Variants in RUNX1 observed in about 807,000 individuals in gnomAD.
The protein encoded by RUNX1 is runt-related transcription factor 1.
Under a neutral mutation model 42.8 loss-of-function variants are expected in RUNX1, and 19 were observed. That is an observed-to-expected ratio of 0.44 (90% CI 0.31 to 0.65). The LOEUF (loss-of-function observed/expected upper bound fraction) is 0.65, where lower values mean the gene tolerates loss of function less well. Among genes scored for constraint, RUNX1 ranks in the 30% least tolerant of loss-of-function variants. RUNX1 has a pLI of 0.07. For missense variants in RUNX1, 528 were observed against 672.0 expected, an observed-to-expected ratio of 0.79 and a Z score of 2.37; for synonymous variants, 271 against 289.4, an observed-to-expected ratio of 0.94 and a Z score of 0.64.
intron 3 of RUNX1, chr21:34,889,778 C>G: frequency 8.7e-7 from 1 of 1,147,696 alleles, no homozygotes; most frequent in Non-Finnish European, 1.1e-6. Context: ...GTCCGGCGTG[C>G]GCTGCCAACT....
At chr21:34,904,200 T>G (rs1424479087) in intron 2 of RUNX1, among the ~76,000 whole-genome samples, 3 of 152,124 alleles carry the variant, frequency 2.0e-5, no homozygotes, top group African/African-American at 7.2e-5. Flanking sequence ...TAAAACTATA[T>G]TCTAAAAGGT....
At chr21:34,973,502 T>A (rs1159286048) in intron 2 of RUNX1, among the ~76,000 whole-genome samples, 1 of 152,254 alleles carries the variant, frequency 6.6e-6, no homozygotes, top group East Asian at 1.9e-4. Flanking sequence ...TAAGAGGCCA[T>A]TTATTTTCTC....
intron 2 of RUNX1, among the ~76,000 whole-genome samples, chr21:34,909,965 CTA>C (rs1055246446): frequency 5.3e-5 from 8 of 152,296 alleles, no homozygotes; most frequent in Admixed American, 3.3e-4. Flanking sequence ...CAACTATTAT[CTA>C]CCAAGCTGTG....
intron 6 of RUNX1, among the ~76,000 whole-genome samples, chr21:34,856,961 A>G (rs548094657): frequency 2.6e-5 from 4 of 152,336 alleles, no homozygotes; most frequent in South Asian, 2.1e-4. Context: ...CGTTCAAACC[A>G]TAAGAAACCA....
chr21:35,013,148 T>C (rs1209275994), intron 2 of RUNX1, among the ~76,000 whole-genome samples: 1 of 152,234 alleles, frequency 6.6e-6, no homozygotes, highest in African/African-American at 2.4e-5. Flanking sequence ...CACATCTACA[T>C]CATTTACCTT....
rs1436210480 is a variant in RUNX1, at chr21:34,941,009, C to T, written c.59-48046G>A. ...TGTCACTGCCATAGAAGAATTGTGG[C>T]TACCACTTCTATGCAGAGTATGGAA... On this transcript the variant is annotated intron_variant, in intron 2 of 8. Coordinates refer to ENST00000675419, the MANE Select transcript of RUNX1 (RefSeq NM_001754.5). Among the ~76,000 whole-genome samples, 3 of 152,206 alleles carry T rather than the reference C, an allele frequency of 2.0e-5. 1 individual carries two copies. The highest frequency in any genetic ancestry group is 1.3e-4 in the Admixed American group (2 of 15,286).
intron 5 of RUNX1, among the ~76,000 whole-genome samples, chr21:34,874,682 A>C (rs576524138): frequency 6.6e-6 from 1 of 151,344 alleles, no homozygotes; most frequent in Non-Finnish European, 1.5e-5. Context: ...TTCCTTAAAA[A>C]AAAAACAACA....
chr21:34,954,150 T>C (rs1393622644), intron 2 of RUNX1, among the ~76,000 whole-genome samples: 1 of 152,204 alleles, frequency 6.6e-6, no homozygotes, highest in African/African-American at 2.4e-5. Flanking sequence ...TCTTTAAACA[T>C]ATCACTTCAG....
chr21:34,836,775 T>C (rs1385352456), intron 6 of RUNX1, among the ~76,000 whole-genome samples: 1 of 152,202 alleles, frequency 6.6e-6, no homozygotes, highest in African/African-American at 2.4e-5. Context: ...TCAAGGACAG[T>C]GGGTGACCCA....
At chr21:34,866,152 GCAAAGGAAGGCTGCAGACA>G (rs2057658710) in intron 5 of RUNX1, among the ~76,000 whole-genome samples, 1 of 152,178 alleles carries the variant, frequency 6.6e-6, no homozygotes, top group South Asian at 2.1e-4. Context: ...CCTTTGTCAC[GCAAAGGAAGGCTGCAGACA>G]CAAAGGAGCC....
intron 4 of RUNX1, among the ~76,000 whole-genome samples, chr21:34,882,164 T>C (rs891294871): frequency 6.6e-6 from 1 of 152,216 alleles, no homozygotes; most frequent in African/African-American, 2.4e-5. Context: ...TTTCTATATG[T>C]AAAAAAGGCT....
chr21:34,869,233 G>C (rs2057704521), intron 5 of RUNX1, among the ~76,000 whole-genome samples: 1 of 152,078 alleles, frequency 6.6e-6, no homozygotes, highest in African/African-American at 2.4e-5. Flanking sequence ...CATCAAGAGG[G>C]GCCCTAGCTC....
chr21:35,043,579 T>A (rs1052751062), intron 2 of RUNX1, among the ~76,000 whole-genome samples: 7 of 152,208 alleles, frequency 4.6e-5, no homozygotes, highest in African/African-American at 1.7e-4. Flanking sequence ...GTGATGTGTT[T>A]TATGGTACCT....
intron 6 of RUNX1, among the ~76,000 whole-genome samples, chr21:34,840,459 G>A (rs974823369): frequency 2.6e-5 from 4 of 152,200 alleles, no homozygotes; most frequent in African/African-American, 9.7e-5. Flanking sequence ...GGAATTAAGA[G>A]ACTAAGAAGG....
Position 34,907,821 on chromosome 21 carries a change from C to A in RUNX1, c.59-14858G>T, listed in dbSNP as rs550863642. ...TCTGTGGAATAGCATTGGGTCATTT[C>A]GTTCAGAGGCGAAAAGATTCTTAGC... On this transcript the variant is annotated intron_variant, in intron 2 of 8. Transcript: ENST00000675419. This position sits in a 1 kb window ranked among gnomAD's most constrained non-coding sequence, Gnocchi z 5.3. Among the ~76,000 whole-genome samples, 1 of 152,150 alleles carries A rather than the reference C, an allele frequency of 6.6e-6. No individual in the cohort carries two copies. Among genetic ancestry groups the A allele is most frequent in the Non-Finnish European group, 1.5e-5 (1 of 68,016 alleles).
intron 5 of RUNX1, among the ~76,000 whole-genome samples, chr21:34,875,139 G>A (rs570035030): frequency 3.4e-4 from 52 of 152,358 alleles, no homozygotes; most frequent in African/African-American, 8.4e-4. Flanking sequence ...GATCAACTGC[G>A]AAACTGCCTG....
intron 2 of RUNX1, among the ~76,000 whole-genome samples, chr21:34,970,206 T>C (rs1291139988): frequency 1.3e-5 from 2 of 152,202 alleles, no homozygotes; most frequent in Non-Finnish European, 2.9e-5. Flanking sequence ...CCCAGAATCA[T>C]GGCAACATCA....
intron 2 of RUNX1, among the ~76,000 whole-genome samples, chr21:34,909,929 G>A (rs1326672783): frequency 1.3e-5 from 2 of 151,144 alleles, no homozygotes; most frequent in Non-Finnish European, 2.9e-5. Context: ...GCTTCCTTCC[G>A]CCTCTTCCTC....
intron 7 of RUNX1, among the ~76,000 whole-genome samples, chr21:34,811,641 G>A (rs917384428): frequency 1.5e-4 from 23 of 152,196 alleles, no homozygotes; most frequent in African/African-American, 4.6e-4. Flanking sequence ...TCTTTCAGCA[G>A]GGCCTTGCCA....
Sources: allele counts gnomAD v4.1 joint callset (sites outside exome capture counted in the v4.1 genomes callset), GRCh38; gene constraint gnomAD v4.1.1; non-coding constraint Gnocchi (gnomAD v3.1); transcripts MANE v1.5; gene names NCBI Gene and HGNC (gene_info 2026-07-23, HGNC 2026-07-21).